Variants in GNS observed in about 807,000 individuals in gnomAD.
GNS encodes the protein glucosamine (N-acetyl)-6-sulfatase, also known as N-acetylglucosamine-6-sulfatase.
GNS carries 40 observed loss-of-function variants against 69.7 expected under a neutral mutation model. The observed-to-expected ratio is 0.57, with a 90% CI of 0.45 to 0.75. GNS has a LOEUF of 0.75. GNS is among the 30% of genes least tolerant of loss of function. The pLI is 0.00. For synonymous variants in GNS, 243 were observed against 251.6 expected (o/e 0.97, Z 0.32); for missense variants, 565 against 685.5 (o/e 0.82, Z 1.96).
In GNS at chr12:64,747,880, A is replaced by G. The variant is rs568088359; in HGVS notation, c.291T>C (p.Ser97=). ...PSALCCPSRA[S]ILTGKYPHNH... is the part of the protein sequence containing the mutation. ...TATGTGGGTACTTTCCTGTCAGGATACTGGCTCTGCTGGGGCAGCAGAGAG... is the reference window on the plus strand; with the variant it reads ...TATGTGGGTACTTTCCTGTCAGGATGCTGGCTCTGCTGGGGCAGCAGAGAG... The change falls in exon 3 of 14, where the codon AGT becomes AGC. Residue 97 remains serine (S), a synonymous_variant. Transcript: ENST00000258145. 1 of 1,611,568 alleles carries G rather than the reference A, an allele frequency of 6.2e-7. No homozygotes were observed. The highest frequency in any genetic ancestry group is 8.5e-7 in the Non-Finnish European group (1 of 1,177,664).
At chr12:64,745,924 G>A (rs918018094) in intron 3 of GNS, 200 bp from the exon 4 acceptor site, 9 of 587,268 alleles carry the variant, frequency 1.5e-5, no homozygotes, top group African/African-American at 1.9e-5. Context: ...TACAGCCAGT[G>A]AGCCAAATCT....
intron 2 of GNS, 46 bp downstream of exon 2, chr12:64,752,652 A>T: frequency 1.0e-6 from 1 of 954,198 alleles, no homozygotes; most frequent in Non-Finnish European, 1.7e-6. Context: ...TTCTTAGAAT[A>T]CAAACACAGT....
chr12:64,747,411 C>T (rs746493451), intron 3 of GNS, among the ~76,000 whole-genome samples: 7 of 152,112 alleles, frequency 4.6e-5, no homozygotes, highest in African/African-American at 9.7e-5. Context: ...AAAGGGAAGA[C>T]GCATCAGACA....
Position 64,716,560 on chromosome 12 carries a change from T to C in GNS, c.*181A>G. On this transcript the variant is annotated 3_prime_UTR_variant, in exon 14 of 14. Transcript: ENST00000258145. ...GCCACTCCTGACACATGGGCAGAGT[T>C]CACAGTTTAACACATTGCACGAGGA... 1 of 661,224 alleles carries C rather than the reference T, an allele frequency of 1.5e-6. No individual in the cohort carries two copies. The highest frequency in any genetic ancestry group is 2.8e-6 in the Non-Finnish European group (1 of 359,996). The allele number at this position is 661,224 out of a possible 1,614,324, so 41.0% of individuals were successfully genotyped here.
chr12:64,741,443 G>A (rs1869733754), intron 6 of GNS, among the ~76,000 whole-genome samples: 1 of 151,742 alleles, frequency 6.6e-6, no homozygotes, highest in African/African-American at 2.4e-5. Flanking sequence ...GCACCAACAT[G>A]CCTGTCTAAT....
chr12:64,738,036 G>A, intron 8 of GNS, among the ~76,000 whole-genome samples: 1 of 150,372 alleles, frequency 6.7e-6, no homozygotes, highest in East Asian at 1.9e-4. Flanking sequence ...TTGAGATGGA[G>A]TCTCGCTCTG....
chr12:64,757,705 A>C (rs1333116971), intron 1 of GNS, among the ~76,000 whole-genome samples: 2 of 152,246 alleles, frequency 1.3e-5, no homozygotes, highest in Non-Finnish European at 2.9e-5. Context: ...TACCTTTATC[A>C]AGTGTAACAC....
At chr12:64,728,883 A>C in intron 10 of GNS, 73 bp downstream of exon 10, 3 of 775,224 alleles carry the variant, frequency 3.9e-6, no homozygotes, top group Non-Finnish European at 7.0e-6. Context: ...TAATATTTAA[A>C]TGCTTAAGTC....
At chr12:64,731,663 A>ATACC (rs370917998) in intron 9 of GNS, among the ~76,000 whole-genome samples, 85 of 152,380 alleles carry the variant, frequency 5.6e-4, no homozygotes, top group African/African-American at 2.0e-3. Flanking sequence ...AAAAAGAATT[A>ATACC]TACCTACCTC....
At chr12:64,722,649 C>T (rs1869067165) in intron 11 of GNS, among the ~76,000 whole-genome samples, 1 of 152,186 alleles carries the variant, frequency 6.6e-6, no homozygotes, top group South Asian at 2.1e-4. Context: ...GGCATGGTTA[C>T]AGGCAGGAAC....
rs1163229693 is a variant in GNS, at chr12:64,720,154, G to T, written c.1448C>A (p.Ala483Glu). The change falls in exon 13 of 14, where the codon GCA becomes GAA. Residue 483 changes from alanine (A) to glutamate (E), a missense_variant. By Grantham distance (107) the Ala-to-Glu change is moderately radical (BLOSUM62 -1). This residue lies in a region of GNS where 384 missense variants were observed against 511.0 expected (regional missense o/e 0.75). Coordinates refer to ENST00000258145, the MANE Select transcript of GNS (RefSeq NM_002076.4). ...EVFVEVYNLT[A>E]DPDQITNIAK... Reference sequence around the variant, plus strand: ...AATGTTAGTGATCTGGTCTGGGTCTGCAGTCAGATTATAGACTTCTACAAA... The same window carrying T: ...AATGTTAGTGATCTGGTCTGGGTCTTCAGTCAGATTATAGACTTCTACAAA... 1 of 1,604,202 alleles carries T rather than the reference G, an allele frequency of 6.2e-7. No homozygotes were observed. Among genetic ancestry groups the T allele is most frequent in the Admixed American group, 1.7e-5 (1 of 60,016 alleles).
chr12:64,741,551 G>A (rs1869736946), intron 6 of GNS, among the ~76,000 whole-genome samples: 1 of 151,992 alleles, frequency 6.6e-6, no homozygotes, highest in Admixed American at 6.6e-5. Context: ...CTCCCAAAGT[G>A]CTGGGATTAC....
At chr12:64,725,085 C>G (rs1467886295) in intron 10 of GNS, among the ~76,000 whole-genome samples, 7 of 152,180 alleles carry the variant, frequency 4.6e-5, no homozygotes. Context: ...CCAAGGGATT[C>G]TATCTCATGC....
chr12:64,715,217 A>G lies in GNS; in HGVS notation c.*1524T>C, dbSNP rs1868823593. 6.6e-6 allele frequency: 1 copy of G among 152,324 alleles called. No individual in the cohort carries two copies. The highest frequency in any genetic ancestry group is 1.5e-5 in the Non-Finnish European group (1 of 68,032). The allele number at this position is 152,324 out of a possible 1,614,324, so 9.4% of individuals were successfully genotyped here. On this transcript the variant is annotated 3_prime_UTR_variant, in exon 14 of 14. Coordinates refer to ENST00000258145, the MANE Select transcript of GNS (RefSeq NM_002076.4). Reference sequence around the variant, plus strand: ...GGAACTGGTTTTTGAGCCAAGAAACATAAAAATTTAGGTGTTCTTAGCCAA... The same window carrying G: ...GGAACTGGTTTTTGAGCCAAGAAACGTAAAAATTTAGGTGTTCTTAGCCAA...
chr12:64,748,344 G>A (rs563821126), intron 2 of GNS, among the ~76,000 whole-genome samples: 1 of 151,644 alleles, frequency 6.6e-6, no homozygotes, highest in African/African-American at 2.4e-5. Context: ...TGGAGTACAG[G>A]TGTGTGCCAC....
At chr12:64,753,967 T>C (rs1052752709) in intron 1 of GNS, among the ~76,000 whole-genome samples, 1 of 152,132 alleles carries the variant, frequency 6.6e-6, no homozygotes, top group Non-Finnish European at 1.5e-5. Context: ...AACACCTGAG[T>C]TACTGTGAGG....
rs374574754 is a variant in GNS at position 64,735,142 on chromosome 12, T to A, written c.1098+1862A>T. Among the ~76,000 whole-genome samples the A allele has an allele frequency of 7.2e-5, 11 of 152,278 alleles. No homozygotes were observed. In the South Asian group the frequency reaches 8.3e-4, roughly 11 times the overall value. On this transcript the variant is annotated intron_variant, in intron 9 of 13. Transcript: ENST00000258145. The stretch of plus-strand genomic sequence containing the variant: ...ATGAAAAAACAAAACAAAACTCATC[T>A]TGTTTGATTGCTCCTTGCCGTATGC...
At chr12:64,754,916 T>C (rs1370631426) in intron 1 of GNS, among the ~76,000 whole-genome samples, 1 of 151,900 alleles carries the variant, frequency 6.6e-6, no homozygotes, top group East Asian at 1.9e-4. Flanking sequence ...AAGTTTTTAT[T>C]AACTGCCATC....
chr12:64,716,727 G>A lies in GNS; in HGVS notation c.*14C>T. The A allele has an allele frequency of 6.5e-7, 1 of 1,536,844 alleles. No homozygotes were observed. Among genetic ancestry groups the A allele is most frequent in the Non-Finnish European group, 9.0e-7 (1 of 1,109,696 alleles). On this transcript the variant is annotated 3_prime_UTR_variant, in exon 14 of 14. Coordinates refer to ENST00000258145, the MANE Select transcript of GNS (RefSeq NM_002076.4). ...GGCGTGCAGGGATCCATCTGCAGAG[G>A]CTGTGTGAGGTCGCTACAGAAGATG...
Sources: allele counts gnomAD v4.1 joint callset (sites outside exome capture counted in the v4.1 genomes callset), GRCh38; gene constraint gnomAD v4.1.1; regional missense constraint gnomAD v4.1.1; transcripts MANE v1.5; gene names NCBI Gene and HGNC (gene_info 2026-07-23, HGNC 2026-07-21).